The following ITGA11 variants were observed in gnomAD, a reference collection of about 807,000 sequenced individuals.
ITGA11 encodes integrin alpha-11.
Under a neutral mutation model 141.9 loss-of-function variants are expected in ITGA11, and 97 were observed. That is an observed-to-expected ratio of 0.68 (90% CI 0.58 to 0.81). ITGA11 has a LOEUF of 0.81. ITGA11 is among the 30% of genes least tolerant of loss of function. The pLI is 0.00. For missense variants in ITGA11, 1,387 were observed against 1,559.2 expected (o/e 0.89, Z 1.86); for synonymous variants, 658 against 624.6 (o/e 1.05, Z -0.80).
At position 68,333,316 on chromosome 15, in the gene ITGA11, G is replaced by C. The variant is rs1404231713; in HGVS notation, c.1426-838C>G. Among the ~76,000 whole-genome samples the C allele has an allele frequency of 6.6e-6, 1 of 152,132 alleles. No individual in the cohort carries two copies. The highest frequency in any genetic ancestry group is 2.4e-5 in the African/African-American group (1 of 41,436). On this transcript the variant is annotated intron_variant, in intron 12 of 29. Transcript: ENST00000315757. This position sits in a 1 kb window ranked among gnomAD's most constrained non-coding sequence, Gnocchi z 4.2. ...GGGTCTCACTATGTTGCCCAGGCTG[G>C]TCTGGAACTCCTACGCTTCAGTGAT...
intron 21 of ITGA11, among the ~76,000 whole-genome samples, chr15:68,316,534 G>A (rs997417098): frequency 1.3e-5 from 2 of 152,284 alleles, no homozygotes; most frequent in East Asian, 1.9e-4. Flanking sequence ...TGGGTTTGTC[G>A]GTGCCTCAAC....
intron 22 of ITGA11, among the ~76,000 whole-genome samples, chr15:68,314,845 CA>C (rs1284609430): frequency 1.3e-5 from 2 of 152,190 alleles, no homozygotes; most frequent in Non-Finnish European, 2.9e-5. Flanking sequence ...CTCTGACCTG[CA>C]CGTGTGTGTG....
Position 68,324,060 on chromosome 15 carries a change from C to T in ITGA11, c.2322+1071G>A, listed in dbSNP as rs1003950614. ...GCGAGAGGACAAAAATGACTTAGTG[C>T]GCCCAGCTTTCCCCTTCTCCCGGCT... On this transcript the variant is annotated intron_variant, in intron 18 of 29. Transcript: ENST00000315757. This position sits in a 1 kb window ranked among gnomAD's most constrained non-coding sequence, Gnocchi z 6.3. 2.6e-5 allele frequency among the ~76,000 whole-genome samples: 4 copies of T among 152,112 alleles called. No homozygotes were observed. The highest frequency in any genetic ancestry group is 6.5e-5 in the Admixed American group (1 of 15,272).
chr15:68,382,619 C>T (rs533224069), intron 2 of ITGA11, among the ~76,000 whole-genome samples: 2 of 152,360 alleles, frequency 1.3e-5, no homozygotes, highest in South Asian at 2.1e-4. Context: ...TAAAGGCAAG[C>T]CCTACCCTTG....
chr15:68,419,035 T>C (rs1014146699), intron 1 of ITGA11, among the ~76,000 whole-genome samples: 1 of 151,768 alleles, frequency 6.6e-6, no homozygotes, highest in African/African-American at 2.4e-5. Flanking sequence ...AAAAAGGAAT[T>C]GTGGGGGCCC....
intron 2 of ITGA11, among the ~76,000 whole-genome samples, chr15:68,385,556 A>T (rs1347259180): frequency 6.6e-6 from 1 of 152,266 alleles, no homozygotes; most frequent in African/African-American, 2.4e-5. Flanking sequence ...TGGGAAGGTC[A>T]GTACCTAAAC....
chr15:68,309,597 T>TA (rs1893311195), intron 26 of ITGA11, among the ~76,000 whole-genome samples: 1 of 147,268 alleles, frequency 6.8e-6, no homozygotes, highest in African/African-American at 2.5e-5. Context: ...GTCCTTTTTT[T>TA]TTTTTTTTTT....
rs377301043 is a variant in ITGA11, at chr15:68,351,291, G to A, written c.861C>T (p.Ser287=). The A allele has an allele frequency of 6.7e-5, 108 of 1,613,884 alleles. No individual in the cohort carries two copies. The highest frequency in any genetic ancestry group is 5.1e-4 in the African/African-American group (38 of 74,930). ...CATATCTTGTTACGTTGTCTCTTTC[G>A]CTTTGCTGGATCACCTTCTCCAGGT... is the stretch of plus-strand genomic sequence containing the variant. ...SPDLEKVIQQ[S]ERDNVTRYAV... is the part of the protein sequence containing the mutation. The change falls in exon 8 of 30, where the codon AGC becomes AGT. Residue 287 remains serine (S), a synonymous_variant. Coordinates refer to ENST00000315757, the MANE Select transcript of ITGA11 (RefSeq NM_001004439.2).
At chr15:68,413,694 A>G (rs1032826238) in intron 1 of ITGA11, among the ~76,000 whole-genome samples, 2 of 152,168 alleles carry the variant, frequency 1.3e-5, no homozygotes, top group African/African-American at 4.8e-5. Context: ...ACCACGGCAC[A>G]TGTCAGTGAG....
At chr15:68,395,510 G>T (rs1298502890) in intron 2 of ITGA11, among the ~76,000 whole-genome samples, 1 of 150,966 alleles carries the variant, frequency 6.6e-6, no homozygotes, top group East Asian at 2.0e-4. Context: ...GAAAACCATG[G>T]CACAAGAACT....
At chr15:68,320,861 T>A (rs947921773) in intron 19 of ITGA11, among the ~76,000 whole-genome samples, 1 of 152,244 alleles carries the variant, frequency 6.6e-6, no homozygotes, top group Admixed American at 6.5e-5. Context: ...AATCATCTCA[T>A]AGTTGGATCA....
At position 68,325,190 on chromosome 15, in the gene ITGA11, C is replaced by A. The variant is rs757304777; in HGVS notation, c.2263G>T (p.Glu755Ter). 5 of 1,613,872 alleles carry A rather than the reference C, an allele frequency of 3.1e-6. No individual in the cohort carries two copies. In the Admixed American group the frequency reaches 8.3e-5, roughly 27 times the overall value. ...PVTFSVEYSL[E>*]DPDHGPMLDD... ...AGCATGGGGCCATGGTCAGGGTCCT[C>A]CAGGGAATACTCGACTGAGAAGGTC... Residue 755 changes from glutamate (E) to a stop codon, truncating the protein, a stop_gained, in exon 18 of 30, where the codon GAG becomes TAG. Transcript: ENST00000315757. LOFTEE classifies it high-confidence loss of function. This position sits in a 1 kb window ranked among gnomAD's most constrained non-coding sequence, Gnocchi z 5.5.
chr15:68,398,596 TAATATA>T (rs895198705), intron 2 of ITGA11, among the ~76,000 whole-genome samples: 6 of 121,596 alleles, frequency 4.9e-5, no homozygotes, highest in African/African-American at 1.1e-4. Context: ...ATATTAAATA[TAATATA>T]AATATAAGTA....
chr15:68,426,127 A>G (rs1379744558), intron 1 of ITGA11, among the ~76,000 whole-genome samples: 1 of 152,158 alleles, frequency 6.6e-6, no homozygotes, highest in Non-Finnish European at 1.5e-5. Flanking sequence ...AGCCTCACCT[A>G]TTTCATCTGC....
In ITGA11 at chr15:68,327,645, G is replaced by A. The variant is rs139407237; in HGVS notation, c.2068+451C>T. 5.4e-3 allele frequency among the ~76,000 whole-genome samples: 825 copies of A among 152,278 alleles called. 4 individuals carry two copies. Among genetic ancestry groups the A allele is most frequent in the African/African-American group, 0.019 (791 of 41,542 alleles). On this transcript the variant is annotated intron_variant, in intron 16 of 29. Coordinates refer to ENST00000315757, the MANE Select transcript of ITGA11 (RefSeq NM_001004439.2). ...AGCTGGAAGTGATGGACCCTCAGAA[G>A]GAAACTGCCCTGCTGTGGACTCACA...
At position 68,339,484 on chromosome 15, in the gene ITGA11, C is replaced by A. The variant is rs767505765; in HGVS notation, c.1276+16G>T. The A allele has an allele frequency of 4.5e-5, 73 of 1,607,494 alleles. No individual in the cohort carries two copies. In the African/African-American group the frequency reaches 8.9e-4, roughly 20 times the overall value. ...GGCCCACGACCCGCCAGCCTCCCCT[C>A]ACTCTGCGCTCTTACCCAGGTATGC... On this transcript the variant is annotated intron_variant, in intron 11 of 29. Transcript: ENST00000315757.
Position 68,333,570 on chromosome 15 carries a change from C to T in ITGA11, c.1426-1092G>A, listed in dbSNP as rs183041043. Among the ~76,000 whole-genome samples, 451 of 152,230 alleles carry T rather than the reference C, an allele frequency of 3.0e-3. 3 individuals carry two copies. Among genetic ancestry groups the T allele is most frequent in the African/African-American group, 0.01 (424 of 41,522 alleles). ...GAAACCCAGAAACCCTGACTCCACCCTCCACCTCTCCCACCCGTAAACCTG... is the reference window on the plus strand; with the variant it reads ...GAAACCCAGAAACCCTGACTCCACCTTCCACCTCTCCCACCCGTAAACCTG... On this transcript the variant is annotated intron_variant, in intron 12 of 29. Transcript: ENST00000315757. This position sits in a 1 kb window ranked among gnomAD's most constrained non-coding sequence, Gnocchi z 4.2.
Position 68,328,309 on chromosome 15 carries a change from T to C in ITGA11, c.1902-47A>G, listed in dbSNP as rs1184071087. 8.4e-6 allele frequency: 13 copies of C among 1,553,390 alleles called. No individual in the cohort carries two copies. Among genetic ancestry groups the C allele is most frequent in the Non-Finnish European group, 1.1e-5 (13 of 1,137,678 alleles). ...GCTGGGGTGGGGCAGGGGCTCAGGC[T>C]GCCCTGCTGTGACCATGGGGAAAGA... On this transcript the variant is annotated intron_variant, in intron 15 of 29. Coordinates refer to ENST00000315757, the MANE Select transcript of ITGA11 (RefSeq NM_001004439.2). This position sits in a 1 kb window ranked among gnomAD's most constrained non-coding sequence, Gnocchi z 4.8.
chr15:68,323,852 G>T (rs16951778), intron 18 of ITGA11, among the ~76,000 whole-genome samples: 11,419 of 152,076 alleles, frequency 0.075, 897 homozygotes, highest in African/African-American at 0.2. Flanking sequence ...TTGCTTGATT[G>T]TACGTCCTCC....
Sources: allele counts gnomAD v4.1 joint callset (sites outside exome capture counted in the v4.1 genomes callset), GRCh38; gene constraint gnomAD v4.1.1; non-coding constraint Gnocchi (gnomAD v3.1); transcripts MANE v1.5; gene names NCBI Gene and HGNC (gene_info 2026-07-23, HGNC 2026-07-21).